Variants in COL6A5 observed in about 807,000 individuals in gnomAD.
COL6A5 encodes collagen alpha-5(VI) chain.
A neutral mutation model predicts 65.6 loss-of-function variants in COL6A5; 48 were observed. The observed-to-expected ratio is 0.73, with a 90% confidence interval of 0.58 to 0.93. The LOEUF is 0.93. Ranked by LOEUF, COL6A5 falls within the 40% of genes least tolerant of loss-of-function variation. COL6A5 has a pLI of 0.00. For missense variants in COL6A5, 914 were observed against 928.3 expected (o/e 0.98, Z 0.20); for synonymous variants, 291 against 322.8 (o/e 0.90, Z 1.05).
chr3:130,365,297 A>G (rs757105281), intron 1 of COL6A5, among the ~76,000 whole-genome samples: 1 of 149,564 alleles, frequency 6.7e-6, no homozygotes, highest in Non-Finnish European at 1.5e-5. Flanking sequence ...TTTTGTTTTG[A>G]GACGGAGTCT....
Position 130,440,452 on chromosome 3 carries a change from A to G in COL6A5, c.870A>G (p.Gln290=), listed in dbSNP as rs747942083. 8.1e-6 allele frequency: 13 copies of G among 1,613,488 alleles called. No individual in the cohort carries two copies. In the South Asian group the frequency reaches 9.9e-5, roughly 12 times the overall value. The stretch of plus-strand genomic sequence containing the variant: ...TTGATTTCATCACTTATGACAACCA[A>G]CTCCTAATGAAGAATCACATCCAGA... The change falls in exon 3 of 8, where the codon CAA becomes CAG. Residue 290 remains glutamine, a synonymous_variant. Coordinates refer to ENST00000512836, the Ensembl canonical transcript of COL6A5.
chr3:130,391,556 G>T, exon 7 of COL6A5: 1 of 1,551,676 alleles, frequency 6.4e-7, no homozygotes, highest in South Asian at 1.2e-5. Flanking sequence ...CCATGACCAT[G>T]ATCAGCTCAA....
At chr3:130,414,075 C>T (rs1313863963) in exon 22 of COL6A5, 5 of 1,550,222 alleles carry the variant, frequency 3.2e-6, no homozygotes, top group Middle Eastern at 1.7e-4. Context: ...TCAGGGAGAA[C>T]CAGGAAATCC....
intron 1 of COL6A5, among the ~76,000 whole-genome samples, chr3:130,370,429 G>A (rs1935511704): frequency 6.6e-6 from 1 of 152,056 alleles, no homozygotes; most frequent in Non-Finnish European, 1.5e-5. Flanking sequence ...GAGGGGATTG[G>A]GAGTGGTAGA....
chr3:130,382,048 A>G (rs1414940155), intron 4 of COL6A5, among the ~76,000 whole-genome samples: 2 of 152,034 alleles, frequency 1.3e-5, no homozygotes, highest in Non-Finnish European at 2.9e-5. Context: ...TTGATATATT[A>G]GGAAATGTAA....
chr3:130,477,892 A>G (rs1329566101), intron 7 of COL6A5, among the ~76,000 whole-genome samples: 2 of 152,126 alleles, frequency 1.3e-5, no homozygotes, highest in Non-Finnish European at 2.9e-5. Context: ...ATTAAATTCT[A>G]TTAATATTCT....
chr3:130,468,738 A>C, intron 5 of COL6A5, 57 bp from the exon 38 acceptor site: 81 of 1,162,576 alleles, frequency 7.0e-5, no homozygotes, highest in Non-Finnish European at 9.5e-5. Context: ...ATCTATGACT[A>C]GGAGCTCCAA....
chr3:130,417,919 A>G (rs1304417272), intron 24 of COL6A5, among the ~76,000 whole-genome samples: 1 of 152,102 alleles, frequency 6.6e-6, no homozygotes, highest in Non-Finnish European at 1.5e-5. Context: ...AAATATTCAA[A>G]CTTTAAGGTA....
At chr3:130,387,854 G>A (rs546683134) in intron 5 of COL6A5, among the ~76,000 whole-genome samples, 1 of 151,714 alleles carries the variant, frequency 6.6e-6, no homozygotes, top group Non-Finnish European at 1.5e-5. Context: ...GTTTTTAATA[G>A]ATTATAGAAA....
intron 2 of COL6A5, among the ~76,000 whole-genome samples, chr3:130,375,480 C>T (rs150511538): frequency 2.4e-3 from 371 of 152,140 alleles, no homozygotes; most frequent in African/African-American, 8.1e-3. Context: ...TTACATTGCG[C>T]GCCCTCAATC....
rs556177913 is a variant in COL6A5, at chr3:130,383,643, C to T, written c.1301-1161C>T. Among the ~76,000 whole-genome samples, 11 of 152,066 alleles carry T rather than the reference C, an allele frequency of 7.2e-5. No homozygotes were observed. The South Asian group carries it at 1.0e-3, about 14-fold the overall frequency. On this transcript the variant is annotated intron_variant and NMD_transcript_variant, in intron 4 of 41. Transcript: ENST00000312481. ...ATCTGATTTCCTAAGGAGCAACTGC[C>T]GTGGGCTGAAGTAGTGTCAGTAGCT... is the stretch of plus-strand genomic sequence containing the variant.
chr3:130,362,252 T>TTCTATCTCTCTCTCTCTCTC (rs1553744418), intron 1 of COL6A5, among the ~76,000 whole-genome samples: 1 of 114,364 alleles, frequency 8.7e-6, no homozygotes, highest in Admixed American at 9.3e-5. Flanking sequence ...TAAGGTTTCT[T>TTCTATCTCTCTCTCTCTCTC]TCTCTCTCTC....
intron 1 of COL6A5, among the ~76,000 whole-genome samples, chr3:130,372,319 G>A (rs1935597033): frequency 6.6e-6 from 1 of 152,042 alleles, no homozygotes; most frequent in Non-Finnish European, 1.5e-5. Context: ...TAGGTACCTA[G>A]TCCAGATAAA....
At chr3:130,428,907 C>T (rs1183261628), upstream of COL6A5, among the ~76,000 whole-genome samples, 1 of 152,086 alleles carries the variant, frequency 6.6e-6, no homozygotes, top group East Asian at 1.9e-4. Context: ...CATTTGCTTC[C>T]TAGGAATCGA....
At position 130,421,322 on chromosome 3, in the gene COL6A5, T is replaced by A; in HGVS notation, c.5002-3T>A. 1 of 1,550,784 alleles carries A rather than the reference T, an allele frequency of 6.4e-7. No homozygotes were observed. The highest frequency in any genetic ancestry group is 1.4e-5 in the African/African-American group (1 of 73,110). Reference sequence around the variant, plus strand: ...TATTTATGTTCTGTGCTGAAAATTATAGGGCCCAAGAGGATTCCCTGGAGA... The same window carrying A: ...TATTTATGTTCTGTGCTGAAAATTAAAGGGCCCAAGAGGATTCCCTGGAGA... On this transcript the variant is annotated splice_polypyrimidine_tract_variant and splice_region_variant and intron_variant and NMD_transcript_variant, in intron 26 of 41. Transcript: ENST00000312481.
At chr3:130,441,064 A>G (rs2107703606) in intron 3 of COL6A5, among the ~76,000 whole-genome samples, 1 of 152,256 alleles carries the variant, frequency 6.6e-6, no homozygotes, top group Non-Finnish European at 1.5e-5. Flanking sequence ...TCTCAGCACT[A>G]GAAAGCCACA....
At chr3:130,346,233 C>CTCA (rs1934468944) in intron 1 of COL6A5, among the ~76,000 whole-genome samples, 1 of 152,174 alleles carries the variant, frequency 6.6e-6, no homozygotes, top group South Asian at 2.1e-4. Flanking sequence ...GCCCTTGAAA[C>CTCA]TTGTTAGAAA....
At chr3:130,356,505 T>C (rs563977649) in intron 1 of COL6A5, among the ~76,000 whole-genome samples, 1 of 151,018 alleles carries the variant, frequency 6.6e-6, no homozygotes, top group South Asian at 2.1e-4. Context: ...TAATTGCGGT[T>C]TTGCCATTAA....
chr3:130,477,457 C>A (rs1710127797), intron 7 of COL6A5: 1 of 167,740 alleles, frequency 6.0e-6, no homozygotes, highest in Admixed American at 6.3e-5. Flanking sequence ...GACAGATTTT[C>A]TGTTTGCTTA....
Sources: allele counts gnomAD v4.1 joint callset (sites outside exome capture counted in the v4.1 genomes callset), GRCh38; gene constraint gnomAD v4.1.1; transcripts MANE v1.5; gene names NCBI Gene and HGNC (gene_info 2026-07-23, HGNC 2026-07-21).